Variants in CD247 observed in about 807,000 individuals in gnomAD.
CD247 encodes CD247 molecule.
In CD247, 13 loss-of-function variants were observed where a neutral mutation model predicts 30.0. The observed-to-expected ratio is 0.43, with a 90% CI of 0.28 to 0.69. The LOEUF (loss-of-function observed/expected upper bound fraction) is 0.69. Ranked by LOEUF, CD247 falls within the 30% of genes least tolerant of loss-of-function variation. The pLI, the probability that CD247 is intolerant of heterozygous loss-of-function variation, is 0.16. For synonymous variants in CD247, 72 were observed against 80.0 expected, an observed-to-expected ratio of 0.90 and a Z score of 0.53; for missense variants, 193 against 212.6, an observed-to-expected ratio of 0.91 and a Z score of 0.57.
Position 167,508,110 on chromosome 1 carries a change from C to A in CD247, c.58+10298G>T, listed in dbSNP as rs147561576. On this transcript the variant is annotated intron_variant, in intron 1 of 7. Coordinates refer to ENST00000362089, the MANE Select transcript of CD247 (RefSeq NM_198053.3). ...ACCCTCCGTGTCCTCCCCACCAGCC[C>A]CTTTGGACTGCAAGAGCTTGTGGCT... 2.9e-3 allele frequency among the ~76,000 whole-genome samples: 436 copies of A among 152,296 alleles called. 2 individuals carry two copies. Among genetic ancestry groups the A allele is most frequent in the African/African-American group, 0.01 (418 of 41,566 alleles).
chr1:167,502,272 G>A (rs1000584381), intron 1 of CD247, among the ~76,000 whole-genome samples: 2 of 152,172 alleles, frequency 1.3e-5, no homozygotes, highest in Non-Finnish European at 2.9e-5. Context: ...GGCCATCAGC[G>A]TTCAAAACGA....
intron 1 of CD247, among the ~76,000 whole-genome samples, chr1:167,477,164 T>C (rs1172664787): frequency 6.6e-6 from 1 of 152,218 alleles, no homozygotes; most frequent in East Asian, 1.9e-4. Context: ...ATTAAACCTC[T>C]GCCTACCTGG....
intron 1 of CD247, among the ~76,000 whole-genome samples, chr1:167,472,430 G>A (rs1653569875): frequency 6.6e-6 from 1 of 152,168 alleles, no homozygotes; most frequent in Non-Finnish European, 1.5e-5. Flanking sequence ...TATGCCTATG[G>A]CCAAATGTGT....
At chr1:167,471,699 C>A (rs1469051925) in intron 1 of CD247, among the ~76,000 whole-genome samples, 1 of 152,064 alleles carries the variant, frequency 6.6e-6, no homozygotes, top group Non-Finnish European at 1.5e-5. Flanking sequence ...AACTCCTGGG[C>A]TCAAACGATC....
At chr1:167,484,896 C>T (rs1288624559) in intron 1 of CD247, among the ~76,000 whole-genome samples, 1 of 152,260 alleles carries the variant, frequency 6.6e-6, no homozygotes, top group Non-Finnish European at 1.5e-5. Flanking sequence ...GAGGGACTGC[C>T]TGGTCCTTGG....
chr1:167,504,839 C>A (rs527533509), intron 1 of CD247, among the ~76,000 whole-genome samples: 3 of 152,332 alleles, frequency 2.0e-5, no homozygotes, highest in African/African-American at 7.2e-5. Flanking sequence ...TCTTGCCTAC[C>A]TTTTGGGATC....
In CD247 at chr1:167,501,105, A is replaced by T. The variant is rs1571591627; in HGVS notation, c.58+17303T>A. 5.2e-5 allele frequency among the ~76,000 whole-genome samples: 7 copies of T among 133,594 alleles called. No homozygotes were observed. In the South Asian group the frequency reaches 1.6e-3, roughly 31 times the overall value. The allele number at this position is 133,594 out of a possible 152,430, so 87.6% of individuals were successfully genotyped here. A position where few individuals can be genotyped will look rare whatever the true frequency, so the allele number is the denominator to read the frequency against. ...GTTTTGCACTTGTTGCCCAGGCTGG[A>T]GTGCAATGGCGCGATCTCGGCTCAC... On this transcript the variant is annotated intron_variant, in intron 1 of 7. Coordinates refer to ENST00000362089, the MANE Select transcript of CD247 (RefSeq NM_198053.3).
chr1:167,470,504 T>TAAAA (rs55679205), intron 1 of CD247, among the ~76,000 whole-genome samples: 5 of 122,494 alleles, frequency 4.1e-5, no homozygotes, highest in Admixed American at 1.7e-4. Context: ...ATGTTAATTG[T>TAAAA]AAAAAAAAAA....
intron 1 of CD247, among the ~76,000 whole-genome samples, chr1:167,492,056 G>GTTGCGCAACAATATGCAACATA (rs1654474558): frequency 6.6e-6 from 1 of 152,124 alleles, no homozygotes; most frequent in Non-Finnish European, 1.5e-5. Context: ...GGTGGTGATG[G>GTTGCGCAACAATATGCAACATA]TTGCGCAACA....
At chr1:167,451,704 C>T (rs1389881067) in intron 1 of CD247, among the ~76,000 whole-genome samples, 1 of 152,258 alleles carries the variant, frequency 6.6e-6, no homozygotes, top group East Asian at 1.9e-4. Flanking sequence ...TAACTCCCAA[C>T]ACCTCAGAAT....
chr1:167,439,205 G>C lies in CD247; in HGVS notation c.219+139C>G. 7 of 769,234 alleles carry C rather than the reference G, an allele frequency of 9.1e-6. No homozygotes were observed. The South Asian group carries it at 1.0e-4, about 11-fold the overall frequency. 47.7% of individuals were successfully genotyped at this position (769,234 alleles called of 1,614,324 possible). A position where few individuals can be genotyped will look rare whatever the true frequency, so the allele number is the denominator to read the frequency against. ...CTGTTTTGTGGGTTAGAAAACTGAG[G>C]TTAAACAAGTTGCAGCCGGGTCGCA... On this transcript the variant is annotated intron_variant, in intron 3 of 7. Coordinates refer to ENST00000362089, the MANE Select transcript of CD247 (RefSeq NM_198053.3).
chr1:167,498,977 G>A (rs1228276599), intron 1 of CD247, among the ~76,000 whole-genome samples: 1 of 152,214 alleles, frequency 6.6e-6, no homozygotes, highest in African/African-American at 2.4e-5. Context: ...ATTTCAGCTT[G>A]TGTCAGGAAA....
At chr1:167,461,704 C>T (rs150521873) in intron 1 of CD247, among the ~76,000 whole-genome samples, 1,615 of 152,092 alleles carry the variant, frequency 0.011, 30 homozygotes, top group African/African-American at 0.037. Flanking sequence ...AAAAATTAGC[C>T]GGCTGTGGTG....
rs2101996238 is a variant in CD247 at position 167,440,708 on chromosome 1, A to G, written c.118T>C (p.Phe40Leu). The change falls in exon 2 of 8, where the codon TTC (phenylalanine) becomes CTC (leucine). Residue 40 changes from phenylalanine to leucine, a missense_variant. By Grantham distance (22) the Phe-to-Leu change is conservative. Coordinates refer to ENST00000362089, the MANE Select transcript of CD247 (RefSeq NM_198053.3). The part of the protein sequence containing the change: ...KLCYLLDGIL[F>L]IYGVILTALF... The stretch of plus-strand genomic sequence containing the variant: ...GCAGTGAGAATGACACCATAGATGA[A>G]GAGGATTCCATCCAGCAGGTAGCAG... The G allele has an allele frequency of 6.2e-7, 1 of 1,613,926 alleles. No homozygotes were observed.
chr1:167,495,778 C>T (rs1456957144), intron 1 of CD247, among the ~76,000 whole-genome samples: 3 of 152,276 alleles, frequency 2.0e-5, no homozygotes, highest in South Asian at 2.1e-4. Context: ...CTGCCACCTC[C>T]GTCTTCTCCA....
chr1:167,509,719 C>T (rs1655307390), intron 1 of CD247, among the ~76,000 whole-genome samples: 1 of 152,182 alleles, frequency 6.6e-6, no homozygotes, highest in Non-Finnish European at 1.5e-5. Context: ...CAATTTTCCA[C>T]CTGCTTGTGT....
rs141606266 is a variant in CD247 at position 167,437,140 on chromosome 1, C to T, written c.300+1430G>A. Among the ~76,000 whole-genome samples, 386 of 152,200 alleles carry T rather than the reference C, an allele frequency of 2.5e-3. 2 individuals are homozygous for T. Among genetic ancestry groups the T allele is most frequent in the African/African-American group, 8.3e-3 (343 of 41,508 alleles). ...AACCAAGGCTGGGTGTGGTGGCTCACGCCTGGAATCGCAGCACTTTGGTTG... is the reference window on the plus strand; with the variant it reads ...AACCAAGGCTGGGTGTGGTGGCTCATGCCTGGAATCGCAGCACTTTGGTTG... On this transcript the variant is annotated intron_variant, in intron 4 of 7. Coordinates refer to ENST00000362089, the MANE Select transcript of CD247 (RefSeq NM_198053.3).
intron 1 of CD247, among the ~76,000 whole-genome samples, chr1:167,497,911 C>T (rs1654756711): frequency 6.6e-6 from 1 of 152,174 alleles, no homozygotes; most frequent in African/African-American, 2.4e-5. Flanking sequence ...TTCCATGATG[C>T]CCAAGGGAGA....
chr1:167,481,519 G>A (rs1331399655), intron 1 of CD247, among the ~76,000 whole-genome samples: 1 of 152,200 alleles, frequency 6.6e-6, no homozygotes, highest in South Asian at 2.1e-4. Context: ...ACATTTTGGT[G>A]CCGTCTATAA....
Sources: allele counts gnomAD v4.1 joint callset (sites outside exome capture counted in the v4.1 genomes callset), GRCh38; gene constraint gnomAD v4.1.1; transcripts MANE v1.5; gene names NCBI Gene and HGNC (gene_info 2026-07-23, HGNC 2026-07-21).